Variants in SPAG16 observed in about 807,000 individuals in gnomAD.
SPAG16 encodes sperm-associated antigen 16 protein.
SPAG16 carries 86 observed loss-of-function variants against 80.4 expected under a neutral mutation model. The ratio of observed to expected loss-of-function variants is 1.07; its 90% CI spans 0.90 to 1.28. The LOEUF is 1.28. SPAG16 is among the 50% of genes most tolerant of loss of function. The pLI, the probability that SPAG16 is intolerant of heterozygous loss-of-function variation, is 0.00. For missense variants in SPAG16, 870 were observed against 765.3 expected, an observed-to-expected ratio of 1.14 and a Z score of -1.61; for synonymous variants, 294 against 265.9, an observed-to-expected ratio of 1.11 and a Z score of -1.03.
chr2:213,486,128 A>G (rs2125712097), intron 9 of SPAG16, among the ~76,000 whole-genome samples: 1 of 152,214 alleles, frequency 6.6e-6, no homozygotes, highest in Non-Finnish European at 1.5e-5. Context: ...ATTATTGTAA[A>G]CTAGAGTCAC....
At position 214,198,918 on chromosome 2, in the gene SPAG16, A is replaced by G. The variant is rs970711914; in HGVS notation, c.1720+49652A>G. On this transcript the variant is annotated intron_variant, in intron 15 of 15. Transcript: ENST00000331683. Reference sequence around the variant, plus strand: ...GTATATCTTCTTTTGAGAACTCTCTATTCATGTCTTTGTCCACTTTTTGAT... The same window carrying G: ...GTATATCTTCTTTTGAGAACTCTCTGTTCATGTCTTTGTCCACTTTTTGAT... 3.3e-5 allele frequency among the ~76,000 whole-genome samples: 5 copies of G among 151,874 alleles called. No homozygotes were observed. The East Asian group carries it at 9.7e-4, about 29-fold the overall frequency.
At chr2:213,285,698 A>G (rs1342531098) in intron 1 of SPAG16, among the ~76,000 whole-genome samples, 3 of 152,250 alleles carry the variant, frequency 2.0e-5, no homozygotes, top group Non-Finnish European at 2.9e-5. Flanking sequence ...GAAAATATGT[A>G]GTATTTTATT....
chr2:214,405,185 T>G (rs1701927752), intron 15 of SPAG16, among the ~76,000 whole-genome samples: 1 of 151,626 alleles, frequency 6.6e-6, no homozygotes, highest in Non-Finnish European at 1.5e-5. Flanking sequence ...AGTGTAACGG[T>G]GGGAATAGCT....
intron 14 of SPAG16, among the ~76,000 whole-genome samples, chr2:214,133,426 A>C (rs1027548576): frequency 3.3e-5 from 5 of 152,108 alleles, no homozygotes; most frequent in Non-Finnish European, 7.4e-5. Flanking sequence ...TGGGAGGTCG[A>C]GGAAGGCAGA....
At chr2:213,731,367 G>A (rs1241293058) in intron 10 of SPAG16, among the ~76,000 whole-genome samples, 1 of 151,414 alleles carries the variant, frequency 6.6e-6, no homozygotes, top group Non-Finnish European at 1.5e-5. Context: ...ACCATGTTGG[G>A]CAGGCTGGTC....
chr2:214,102,938 G>A (rs1468820515), intron 13 of SPAG16, among the ~76,000 whole-genome samples: 1 of 152,146 alleles, frequency 6.6e-6, no homozygotes, highest in Non-Finnish European at 1.5e-5. Flanking sequence ...TAACCTTGTT[G>A]CTAGGACTTC....
At chr2:213,538,865 C>T (rs1170555805) in intron 10 of SPAG16, among the ~76,000 whole-genome samples, 1 of 152,018 alleles carries the variant, frequency 6.6e-6, no homozygotes, top group Admixed American at 6.6e-5. Flanking sequence ...ATCTATATAT[C>T]CACATACATA....
At chr2:213,782,181 T>G (rs939396692) in intron 10 of SPAG16, among the ~76,000 whole-genome samples, 9 of 89,530 alleles carry the variant, frequency 1.0e-4, no homozygotes, top group East Asian at 8.2e-4. Flanking sequence ...TAGTCTTCAG[T>G]TTTTTTTTTT....
At chr2:213,673,134 C>G (rs1253034208) in intron 10 of SPAG16, among the ~76,000 whole-genome samples, 1 of 152,032 alleles carries the variant, frequency 6.6e-6, no homozygotes, top group East Asian at 1.9e-4. Context: ...TTCAAGAACC[C>G]AAAACCTACC....
chr2:213,303,604 C>T (rs531294244), intron 3 of SPAG16, among the ~76,000 whole-genome samples: 14 of 152,074 alleles, frequency 9.2e-5, no homozygotes, highest in African/African-American at 3.4e-4. Flanking sequence ...ACTTTCTAGC[C>T]CCCACAAATA....
intron 12 of SPAG16, among the ~76,000 whole-genome samples, chr2:213,965,673 A>C (rs973045464): frequency 8.5e-5 from 13 of 152,148 alleles, no homozygotes; most frequent in African/African-American, 3.1e-4. Context: ...GACCAAAGTC[A>C]CCATTGTTTT....
At chr2:213,782,407 G>T (rs1316537120) in intron 10 of SPAG16, among the ~76,000 whole-genome samples, 2 of 152,072 alleles carry the variant, frequency 1.3e-5, no homozygotes, top group Admixed American at 1.3e-4. Flanking sequence ...CATTTAAGAA[G>T]AATTATGTAG....
At chr2:213,417,306 A>G (rs1384093854) in intron 9 of SPAG16, among the ~76,000 whole-genome samples, 1 of 152,236 alleles carries the variant, frequency 6.6e-6, no homozygotes, top group Non-Finnish European at 1.5e-5. Context: ...GGATACATGA[A>G]TGTTATCAGG....
intron 9 of SPAG16, among the ~76,000 whole-genome samples, chr2:213,376,424 G>A (rs1353318225): frequency 1.3e-5 from 2 of 152,008 alleles, no homozygotes; most frequent in African/African-American, 4.8e-5. Flanking sequence ...TTATGGTGTT[G>A]CATTCTGATA....
chr2:214,126,018 C>A (rs2054462305), intron 14 of SPAG16, among the ~76,000 whole-genome samples: 1 of 5,576 alleles, frequency 1.8e-4, no homozygotes, highest in Non-Finnish European at 8.5e-4. Context: ...TTCCTTCCTT[C>A]CTTCCTTCCT....
chr2:214,377,668 A>G (rs1193420833), intron 15 of SPAG16, among the ~76,000 whole-genome samples: 8 of 152,172 alleles, frequency 5.3e-5, no homozygotes, highest in African/African-American at 1.9e-4. Context: ...GGGGTAGTCA[A>G]AAGTTAAGTG....
At chr2:213,942,414 A>C (rs1204271908) in intron 12 of SPAG16, among the ~76,000 whole-genome samples, 1 of 152,212 alleles carries the variant, frequency 6.6e-6, no homozygotes, top group Non-Finnish European at 1.5e-5. Flanking sequence ...TCTGAGTGAC[A>C]ACATGGATTT....
chr2:213,331,141 T>C (rs1445552725), intron 5 of SPAG16, among the ~76,000 whole-genome samples: 1 of 152,240 alleles, frequency 6.6e-6, no homozygotes, highest in Non-Finnish European at 1.5e-5. Context: ...GCAAAGTATC[T>C]TTGCCTGTGC....
chr2:213,329,734 A>G (rs533986679), intron 5 of SPAG16, among the ~76,000 whole-genome samples: 1 of 152,322 alleles, frequency 6.6e-6, no homozygotes, highest in South Asian at 2.1e-4. Flanking sequence ...TTAATCACCA[A>G]GACAATGGGG....
Sources: gnomAD v4.1 joint callset for allele counts (sites outside exome capture counted in the v4.1 genomes callset) on GRCh38, gnomAD v4.1.1 for gene constraint, MANE v1.5 for transcripts, NCBI Gene and HGNC (gene_info 2026-07-23, HGNC 2026-07-21) for gene names.